Variants in XIRP2 observed in about 807,000 individuals in gnomAD.
XIRP2 encodes xin actin-binding repeat-containing protein 2.
Under a neutral mutation model 277.0 loss-of-function variants are expected in XIRP2, and 236 were observed. The ratio of observed to expected loss-of-function variants is 0.85; its 90% CI spans 0.77 to 0.95. The LOEUF (loss-of-function observed/expected upper bound fraction) is 0.95, where lower values mean the gene tolerates loss of function less well. Ranked by LOEUF, XIRP2 falls within the 40% of genes least tolerant of loss-of-function variation. The pLI, the probability that XIRP2 is intolerant of heterozygous loss-of-function variation, is 0.00. For synonymous variants in XIRP2, 1,490 were observed against 1,416.5 expected (o/e 1.05, Z -1.17); for missense variants, 4,640 against 4,157.5 (o/e 1.12, Z -3.19).
rs59857626 is a variant in XIRP2, at chr2:167,037,518, G to GGTGTGT, written c.409-98356_409-98351dup. On this transcript the variant is annotated intron_variant, in intron 2 of 10. Coordinates refer to ENST00000409195, the MANE Select transcript of XIRP2 (RefSeq NM_152381.6). ...TGGCTTGAGGTTTTTTCATGTGGGGGGTGTGTGTGTGTGTGTGTGTGTGTG... is the reference window on the plus strand; with the variant it reads ...TGGCTTGAGGTTTTTTCATGTGGGGGGTGTGTGTGTGTGTGTGTGTGTGTGTGTGTG... Among the ~76,000 whole-genome samples, 891 of 126,454 alleles carry GGTGTGT rather than the reference G, an allele frequency of 7.0e-3. 3 individuals carry two copies. Among genetic ancestry groups the GGTGTGT allele is most frequent in the South Asian group, 0.025 (108 of 4,242 alleles). The allele number at this position is 126,454 out of a possible 152,430, so 83.0% of individuals were successfully genotyped here.
chr2:167,244,312 G>C lies in XIRP2; in HGVS notation c.2920G>C (p.Gly974Arg). Reference sequence around the variant, plus strand: ...AATAGAGGTGGAAGGAGTTACAAGAGGTGCTGTAGAGTTAAATAAATCTCT... The same window carrying C: ...AATAGAGGTGGAAGGAGTTACAAGACGTGCTGTAGAGTTAAATAAATCTCT... ...HKIEVEGVTR[G>R]AVELNKSLFE... The change falls in exon 9 of 11, where the codon GGT becomes CGT. Residue 974 changes from glycine to arginine, a missense_variant. Physicochemically the swap from Gly to Arg is moderately radical, Grantham distance 125 (BLOSUM62 -2). Coordinates refer to ENST00000409195, the MANE Select transcript of XIRP2 (RefSeq NM_152381.6). 1 of 1,613,720 alleles carries C rather than the reference G, an allele frequency of 6.2e-7. No individual in the cohort carries two copies. The highest frequency in any genetic ancestry group is 1.1e-5 in the South Asian group (1 of 91,032).
At chr2:166,957,684 G>A (rs1446902982) in intron 2 of XIRP2, among the ~76,000 whole-genome samples, 3 of 151,748 alleles carry the variant, frequency 2.0e-5, no homozygotes, top group South Asian at 2.1e-4. Context: ...ATTGTGGCCT[G>A]TTCCCACAAA....
intron 2 of XIRP2, among the ~76,000 whole-genome samples, chr2:167,085,217 G>A (rs1370544537): frequency 1.3e-5 from 2 of 151,192 alleles, no homozygotes; most frequent in Non-Finnish European, 3.0e-5. Flanking sequence ...AGTCATTCAG[G>A]AGCAGGTTGT....
At chr2:167,080,184 G>A (rs1010134351) in intron 2 of XIRP2, among the ~76,000 whole-genome samples, 2 of 152,122 alleles carry the variant, frequency 1.3e-5, no homozygotes, top group African/African-American at 4.8e-5. Context: ...TGTGTTGTTT[G>A]CTATAATGGT....
At chr2:166,910,818 G>A (rs1684680616) in intron 2 of XIRP2, among the ~76,000 whole-genome samples, 1 of 152,208 alleles carries the variant, frequency 6.6e-6, no homozygotes, top group African/African-American at 2.4e-5. Flanking sequence ...TTGTGTCTTT[G>A]TTCTCATTGG....
At chr2:167,155,435 G>T (rs1040896908) in intron 3 of XIRP2, among the ~76,000 whole-genome samples, 1 of 152,026 alleles carries the variant, frequency 6.6e-6, no homozygotes, top group Non-Finnish European at 1.5e-5. Context: ...TGCAAGGCTG[G>T]TTCAATATAT....
chr2:166,928,838 G>C (rs995658308), intron 2 of XIRP2, among the ~76,000 whole-genome samples: 13 of 152,036 alleles, frequency 8.6e-5, no homozygotes, highest in Admixed American at 3.3e-4. Context: ...CTGCCTATCA[G>C]GGTGATAGGC....
chr2:167,188,588 T>C (rs1410884941), intron 3 of XIRP2, among the ~76,000 whole-genome samples: 1 of 152,230 alleles, frequency 6.6e-6, no homozygotes, highest in Non-Finnish European at 1.5e-5. Context: ...TTTTAGAAGA[T>C]AAAATTATTG....
At chr2:167,076,580 C>T (rs999354657) in intron 2 of XIRP2, among the ~76,000 whole-genome samples, 1 of 152,072 alleles carries the variant, frequency 6.6e-6, no homozygotes, top group African/African-American at 2.4e-5. Context: ...ATATATTCTT[C>T]CTTAATTACA....
intron 3 of XIRP2, among the ~76,000 whole-genome samples, chr2:167,157,022 T>C (rs1692223250): frequency 6.6e-6 from 1 of 152,152 alleles, no homozygotes; most frequent in African/African-American, 2.4e-5. Flanking sequence ...ATCATCCTTA[T>C]ACATTTTTCC....
intron 7 of XIRP2, among the ~76,000 whole-genome samples, chr2:167,240,999 A>T (rs555661521): frequency 6.6e-6 from 1 of 152,314 alleles, no homozygotes; most frequent in East Asian, 1.9e-4. Flanking sequence ...CCACCTCTGA[A>T]TTCCTTTTTG....
intron 2 of XIRP2, among the ~76,000 whole-genome samples, chr2:166,996,931 A>G (rs180674253): frequency 6.6e-6 from 1 of 152,350 alleles, no homozygotes; most frequent in African/African-American, 2.4e-5. Flanking sequence ...TAAAGGAAAG[A>G]ATAATATTTG....
Position 167,239,794 on chromosome 2 carries a change from TAAAA to T in XIRP2, c.859-57_859-54del, listed in dbSNP as rs1573986197. Reference sequence around the variant, plus strand: ...GAAATTGTCACTGAAATTGCACAAATAAAAAAAGTTAAAATTTTTACTTTTCTTA... The same window carrying T: ...GAAATTGTCACTGAAATTGCACAAATAAAGTTAAAATTTTTACTTTTCTTA... On this transcript the variant is annotated intron_variant, in intron 5 of 10. Coordinates refer to ENST00000409195, the MANE Select transcript of XIRP2 (RefSeq NM_152381.6). 5.5e-6 allele frequency: 8 copies of T among 1,447,500 alleles called. No homozygotes were observed. The East Asian group carries it at 1.9e-4, about 34-fold the overall frequency. The allele number at this position is 1,447,500 out of a possible 1,614,324, so 89.7% of individuals were successfully genotyped here. A position where few individuals can be genotyped will look rare whatever the true frequency, so the allele number is the denominator to read the frequency against.
rs76707416 is a variant in XIRP2 at position 167,201,406 on chromosome 2, T to C, written c.563-9329T>C. 6.9e-3 allele frequency among the ~76,000 whole-genome samples: 949 copies of C among 136,712 alleles called. 9 individuals carry two copies. The highest frequency in any genetic ancestry group is 0.025 in the Middle Eastern group (7 of 278). The allele number at this position is 136,712 out of a possible 152,430, so 89.7% of individuals were successfully genotyped here. ...AACGGTACCATATACCTTCAGTATA[T>C]ACCTGTGATGCGGATTTAGACAAGG... On this transcript the variant is annotated intron_variant, in intron 3 of 10. Coordinates refer to ENST00000409195, the MANE Select transcript of XIRP2 (RefSeq NM_152381.6).
intron 2 of XIRP2, among the ~76,000 whole-genome samples, chr2:167,040,851 A>G (rs1025881758): frequency 1.1e-4 from 17 of 152,160 alleles, no homozygotes; most frequent in Non-Finnish European, 7.4e-5. Context: ...GCCCACAACC[A>G]TTCTCCACTA....
intron 2 of XIRP2, among the ~76,000 whole-genome samples, chr2:167,004,150 A>G (rs990412468): frequency 1.3e-5 from 2 of 151,890 alleles, no homozygotes; most frequent in African/African-American, 2.4e-5. Context: ...CTTTTTATCT[A>G]TGAGAATATT....
chr2:167,124,272 A>G (rs1574275235), intron 2 of XIRP2: 2 of 152,162 alleles, frequency 1.3e-5, no homozygotes, highest in African/African-American at 4.8e-5. Flanking sequence ...AAAAGTTTAG[A>G]TGCTGAGTTC....
In XIRP2 at chr2:167,033,166, C is replaced by T. The variant is rs375171556; in HGVS notation, c.409-102743C>T. ...GGACATGGATGAAGCTGGAAAGCAT[C>T]ATTCTCAGCAAACTAACACAGGAAC... On this transcript the variant is annotated intron_variant, in intron 2 of 10. Coordinates refer to ENST00000409195, the MANE Select transcript of XIRP2 (RefSeq NM_152381.6). Among the ~76,000 whole-genome samples, 136 of 152,238 alleles carry T rather than the reference C, an allele frequency of 8.9e-4. 8 individuals carry two copies. The South Asian group carries it at 0.028, about 31-fold the overall frequency.
intron 2 of XIRP2, among the ~76,000 whole-genome samples, chr2:167,060,983 C>T (rs57859134): frequency 6.6e-6 from 1 of 151,912 alleles, no homozygotes; most frequent in Non-Finnish European, 1.5e-5. Flanking sequence ...CTATGTTGAA[C>T]CTTCCTATTT....
Sources: gnomAD v4.1 joint callset for allele counts (sites outside exome capture counted in the v4.1 genomes callset) on GRCh38, gnomAD v4.1.1 for gene constraint, MANE v1.5 for transcripts, NCBI Gene and HGNC (gene_info 2026-07-23, HGNC 2026-07-21) for gene names.